KLF12: variants seen among roughly 807,000 people sequenced by gnomAD.
The protein encoded by KLF12 is KLF transcription factor 12.
In KLF12, 9 loss-of-function variants were observed where a neutral mutation model predicts 37.8. That is an observed-to-expected ratio of 0.24 (90% CI 0.14 to 0.42). KLF12 has a LOEUF of 0.42. KLF12 is among the 10% of genes least tolerant of loss of function. The pLI, the probability that KLF12 is intolerant of heterozygous loss-of-function variation, is 1.00. For synonymous variants in KLF12, 208 were observed against 202.1 expected, an observed-to-expected ratio of 1.03 and a Z score of -0.25; for missense variants, 411 against 516.0, an observed-to-expected ratio of 0.80 and a Z score of 1.97.
the KLF12 span, among the ~76,000 whole-genome samples, chr13:74,220,926 A>G: frequency 6.6e-6 from 1 of 151,678 alleles, no homozygotes; most frequent in Non-Finnish European, 1.5e-5. Context: ...TTTCATCTCA[A>G]TTTTTCAGTT....
intron 5 of KLF12, among the ~76,000 whole-genome samples, chr13:73,794,539 T>C (rs1181474179): frequency 1.3e-5 from 2 of 152,200 alleles, no homozygotes; most frequent in Non-Finnish European, 2.9e-5. Flanking sequence ...AGAAAACATT[T>C]AACTTTTCTA....
At chr13:73,847,871 T>C (rs928009645) in intron 3 of KLF12, among the ~76,000 whole-genome samples, 4 of 152,196 alleles carry the variant, frequency 2.6e-5, no homozygotes, top group African/African-American at 9.6e-5. Context: ...TAAAAGCTAT[T>C]AGCATTATCT....
intron 2 of KLF12, among the ~76,000 whole-genome samples, chr13:73,957,657 C>A: frequency 6.6e-6 from 1 of 152,066 alleles, no homozygotes. Flanking sequence ...CAAAGAGTGA[C>A]CCCTGTATCA....
At chr13:73,741,004 G>T (rs1410456940) in intron 6 of KLF12, among the ~76,000 whole-genome samples, 1 of 152,166 alleles carries the variant, frequency 6.6e-6, no homozygotes, top group Non-Finnish European at 1.5e-5. Context: ...CACAAAATGA[G>T]ACACAGTCTC....
At chr13:73,795,937 CAGAG>C (rs1266221298) in intron 5 of KLF12, among the ~76,000 whole-genome samples, 1 of 152,098 alleles carries the variant, frequency 6.6e-6, no homozygotes, top group Non-Finnish European at 1.5e-5. Flanking sequence ...AAATAGTAAA[CAGAG>C]AGGAGGAGAT....
chr13:73,802,725 G>A (rs1197129239), intron 5 of KLF12, among the ~76,000 whole-genome samples: 1 of 152,118 alleles, frequency 6.6e-6, no homozygotes, highest in African/African-American at 2.4e-5. Context: ...GTGGTATTTG[G>A]TTTTCTGTTC....
At chr13:74,157,950 G>T in the KLF12 span, among the ~76,000 whole-genome samples, 318 of 152,262 alleles carry the variant, frequency 2.1e-3, 1 homozygote, top group African/African-American at 6.9e-3. Flanking sequence ...CCTCAGTCTT[G>T]TATTCAATGT....
At chr13:73,917,933 G>GAA (rs754651604) in intron 3 of KLF12, among the ~76,000 whole-genome samples, 1,636 of 144,500 alleles carry the variant, frequency 0.011, 26 homozygotes, top group African/African-American at 0.038. Context: ...AGTGAGAAAT[G>GAA]AAAAAAAAAA....
At chr13:74,058,500 C>T (rs1432316662) in intron 1 of KLF12, among the ~76,000 whole-genome samples, 9 of 151,550 alleles carry the variant, frequency 5.9e-5, no homozygotes, top group East Asian at 1.9e-4. Context: ...GGACTACAGG[C>T]GCCCGCCACC....
intron 4 of KLF12, among the ~76,000 whole-genome samples, chr13:73,826,552 C>T (rs563183140): frequency 3.1e-4 from 47 of 152,236 alleles, no homozygotes; most frequent in Non-Finnish European, 6.2e-4. Flanking sequence ...CTAAACATTT[C>T]GTGGTATTTC....
At chr13:74,252,540 C>A in the KLF12 span, among the ~76,000 whole-genome samples, 1 of 152,182 alleles carries the variant, frequency 6.6e-6, no homozygotes, top group Non-Finnish European at 1.5e-5. Flanking sequence ...TTTGGAAGAG[C>A]AGGTGGAGAG....
intron 1 of KLF12, among the ~76,000 whole-genome samples, chr13:73,999,261 T>A (rs1006082091): frequency 3.9e-5 from 6 of 152,182 alleles, no homozygotes; most frequent in Admixed American, 3.9e-4. Context: ...GTGGAGTCCA[T>A]AAAGAAAGCA....
chr13:73,962,474 T>C (rs1433506958), intron 2 of KLF12, among the ~76,000 whole-genome samples: 4 of 152,208 alleles, frequency 2.6e-5, no homozygotes, highest in Non-Finnish European at 2.9e-5. Flanking sequence ...TTGCAGACTA[T>C]GGACTTCGAA....
At chr13:74,290,079 C>A in the KLF12 span, among the ~76,000 whole-genome samples, 7 of 152,000 alleles carry the variant, frequency 4.6e-5, no homozygotes, top group African/African-American at 1.7e-4. Context: ...TTGTACAATG[C>A]CAGAAAACCA....
At chr13:74,261,563 G>A in the KLF12 span, among the ~76,000 whole-genome samples, 1 of 152,042 alleles carries the variant, frequency 6.6e-6, no homozygotes, top group African/African-American at 2.4e-5. Flanking sequence ...TAAAGTAACA[G>A]GCTACATAGG....
At chr13:73,919,138 T>C (rs1566459391) in intron 3 of KLF12, among the ~76,000 whole-genome samples, 1 of 152,186 alleles carries the variant, frequency 6.6e-6, no homozygotes, top group Non-Finnish European at 1.5e-5. Context: ...CCCCAGATAC[T>C]TAAAGATTAT....
the KLF12 span, among the ~76,000 whole-genome samples, chr13:74,260,136 ACT>A: frequency 6.6e-6 from 1 of 151,852 alleles, no homozygotes; most frequent in Admixed American, 6.6e-5. Context: ...ATACACACAC[ACT>A]CACACACACA....
intron 5 of KLF12, among the ~76,000 whole-genome samples, chr13:73,786,104 C>T (rs1021710288): frequency 5.3e-5 from 8 of 151,732 alleles, no homozygotes; most frequent in African/African-American, 1.9e-4. Context: ...AGCATGACAG[C>T]TGAGACGTAA....
At chr13:73,977,299 G>A (rs1593800211) in intron 2 of KLF12, among the ~76,000 whole-genome samples, 1 of 152,040 alleles carries the variant, frequency 6.6e-6, no homozygotes, top group South Asian at 2.1e-4. Flanking sequence ...GCTCACCTCA[G>A]CCTCCCAGAG....
Sources: allele counts gnomAD v4.1 joint callset (sites outside exome capture counted in the v4.1 genomes callset), GRCh38; gene constraint gnomAD v4.1.1; transcripts MANE v1.5; gene names NCBI Gene and HGNC (gene_info 2026-07-23, HGNC 2026-07-21).